Variants in ZHX2 observed in about 807,000 individuals in gnomAD.
The protein encoded by ZHX2 is zinc fingers and homeoboxes 2, also known as zinc fingers and homeoboxes protein 2.
Under a neutral mutation model 21.9 loss-of-function variants are expected in ZHX2, and 6 were observed. The observed-to-expected ratio is 0.27, with a 90% CI of 0.15 to 0.54. The LOEUF is 0.54. Ranked by LOEUF, ZHX2 falls within the 20% of genes least tolerant of loss-of-function variation. The probability of loss-of-function intolerance (pLI) is 0.95; values close to 1 mark genes in which losing one functional copy is unlikely to be tolerated. For missense variants in ZHX2, 908 were observed against 1,090.7 expected (o/e 0.83, Z 2.36); for synonymous variants, 434 against 437.1 (o/e 0.99, Z 0.09).
chr8:122,968,668 A>C (rs1586433316), intron 3 of ZHX2, among the ~76,000 whole-genome samples: 1 of 151,948 alleles, frequency 6.6e-6, no homozygotes, highest in South Asian at 2.1e-4. Flanking sequence ...GTGAAACCTC[A>C]TCTCTACTAA....
chr8:122,866,094 T>G (rs1207898738), intron 2 of ZHX2, among the ~76,000 whole-genome samples: 2 of 152,230 alleles, frequency 1.3e-5, no homozygotes, highest in African/African-American at 4.8e-5. Context: ...ACACCCTTAC[T>G]ATCCTCCTTC....
intron 2 of ZHX2, among the ~76,000 whole-genome samples, chr8:122,885,802 A>T (rs1405839762): frequency 6.6e-6 from 1 of 152,304 alleles, no homozygotes; most frequent in East Asian, 1.9e-4. Flanking sequence ...TATCATAAAC[A>T]TTCAACATTG....
chr8:122,784,411 C>T (rs1026627048), intron 1 of ZHX2, among the ~76,000 whole-genome samples: 4 of 152,116 alleles, frequency 2.6e-5, no homozygotes, highest in African/African-American at 7.2e-5. Flanking sequence ...CTTGCCTGAG[C>T]GACACAGCAA....
intron 3 of ZHX2, among the ~76,000 whole-genome samples, chr8:122,956,391 A>T (rs1056983782): frequency 6.6e-6 from 1 of 152,192 alleles, no homozygotes. Context: ...TCCTTTACTC[A>T]TCAGTGTGAT....
At chr8:122,911,660 C>T (rs934155002) in intron 2 of ZHX2, among the ~76,000 whole-genome samples, 1 of 152,158 alleles carries the variant, frequency 6.6e-6, no homozygotes, top group African/African-American at 2.4e-5. Context: ...CAGCAGTGTA[C>T]AAGAAGGACC....
intron 2 of ZHX2, among the ~76,000 whole-genome samples, chr8:122,893,447 T>C (rs1305247948): frequency 6.6e-6 from 1 of 152,182 alleles, no homozygotes; most frequent in Non-Finnish European, 1.5e-5. Flanking sequence ...TGGAACCCTA[T>C]ACTGTGAATA....
At chr8:122,898,473 A>T (rs1211305996) in intron 2 of ZHX2, among the ~76,000 whole-genome samples, 3 of 152,172 alleles carry the variant, frequency 2.0e-5, no homozygotes, top group Non-Finnish European at 2.9e-5. Context: ...GAAATGAAAA[A>T]AAGGAGTGAA....
At chr8:122,862,605 TG>T (rs1490144767) in intron 1 of ZHX2, among the ~76,000 whole-genome samples, 2 of 152,060 alleles carry the variant, frequency 1.3e-5, no homozygotes, top group Non-Finnish European at 2.9e-5. Flanking sequence ...GCCTGGCGCG[TG>T]GTAAGTACTC....
intron 1 of ZHX2, among the ~76,000 whole-genome samples, chr8:122,786,637 C>T (rs763376942): frequency 3.9e-4 from 59 of 152,170 alleles, no homozygotes; most frequent in Non-Finnish European, 7.3e-4. Flanking sequence ...TTTGAGGTGC[C>T]AAGTAATTAG....
chr8:122,875,137 A>T (rs1452601312), intron 2 of ZHX2, among the ~76,000 whole-genome samples: 54 of 1,898 alleles, frequency 0.028, 5 homozygotes, highest in African/African-American at 0.069. Flanking sequence ...TGTTATATAT[A>T]TATATATATA....
At chr8:122,841,314 T>C (rs1181228904) in intron 1 of ZHX2, among the ~76,000 whole-genome samples, 4 of 152,172 alleles carry the variant, frequency 2.6e-5, no homozygotes, top group Admixed American at 6.5e-5. Flanking sequence ...CCCGTGTCTT[T>C]CCTGTATTCA....
At chr8:122,904,331 C>T (rs1312501545) in intron 2 of ZHX2, among the ~76,000 whole-genome samples, 11 of 152,214 alleles carry the variant, frequency 7.2e-5, no homozygotes, top group Non-Finnish European at 5.9e-5. Context: ...AAGCCAAATG[C>T]AGAGCCTAGA....
chr8:122,822,190 A>G (rs1041486202), intron 1 of ZHX2, among the ~76,000 whole-genome samples: 2 of 152,222 alleles, frequency 1.3e-5, no homozygotes, highest in African/African-American at 4.8e-5. Context: ...CTTGGAAACC[A>G]GTATCATAAC....
intron 2 of ZHX2, among the ~76,000 whole-genome samples, chr8:122,884,607 C>G (rs1184284447): frequency 6.6e-6 from 1 of 152,202 alleles, no homozygotes; most frequent in Non-Finnish European, 1.5e-5. Flanking sequence ...AGTGCAAAAG[C>G]TGCAGCAACT....
intron 2 of ZHX2, among the ~76,000 whole-genome samples, chr8:122,910,554 G>C (rs1010355384): frequency 1.4e-4 from 22 of 152,212 alleles, no homozygotes; most frequent in Non-Finnish European, 4.4e-5. Context: ...CTGTTCAAAA[G>C]GCAGGCAAAA....
At chr8:122,934,861 T>A (rs1030491639) in intron 2 of ZHX2, among the ~76,000 whole-genome samples, 1 of 152,130 alleles carries the variant, frequency 6.6e-6, no homozygotes, top group Non-Finnish European at 1.5e-5. Context: ...GCTAATTTTG[T>A]ATTTTTAGTA....
intron 2 of ZHX2, among the ~76,000 whole-genome samples, chr8:122,937,185 G>C (rs952883059): frequency 6.6e-6 from 1 of 152,252 alleles, no homozygotes; most frequent in South Asian, 2.1e-4. Context: ...AAGCCCCGAG[G>C]AGGACCTGGG....
chr8:122,960,685 A>G (rs1472600080), intron 3 of ZHX2, among the ~76,000 whole-genome samples: 1 of 152,214 alleles, frequency 6.6e-6, no homozygotes, highest in African/African-American at 2.4e-5. Context: ...AGGGGAACTG[A>G]AAGGTGGCCA....
chr8:122,825,827 C>T (rs1157203035), intron 1 of ZHX2, among the ~76,000 whole-genome samples: 1 of 152,164 alleles, frequency 6.6e-6, no homozygotes, highest in African/African-American at 2.4e-5. Context: ...TGTCAGAAAC[C>T]ACGCTGCACC....
Sources: allele counts gnomAD v4.1 joint callset (sites outside exome capture counted in the v4.1 genomes callset), GRCh38; gene constraint gnomAD v4.1.1; transcripts MANE v1.5; gene names NCBI Gene and HGNC (gene_info 2026-07-23, HGNC 2026-07-21).